RAP1GAP2: variants seen among roughly 807,000 people sequenced by gnomAD.
RAP1GAP2 encodes the protein RAP1 GTPase activating protein 2.
In RAP1GAP2, 27 loss-of-function variants were observed where a neutral mutation model predicts 95.0. The ratio of observed to expected loss-of-function variants is 0.28; its 90% CI spans 0.21 to 0.39. The LOEUF (loss-of-function observed/expected upper bound fraction) is 0.39, where lower values mean the gene tolerates loss of function less well. Among genes scored for constraint, RAP1GAP2 ranks in the 10% least tolerant of loss-of-function variants. RAP1GAP2 has a pLI of 1.00. For synonymous variants in RAP1GAP2, 373 were observed against 380.9 expected (o/e 0.98, Z 0.24); for missense variants, 771 against 970.0 (o/e 0.79, Z 2.72).
intron 22 of RAP1GAP2, among the ~76,000 whole-genome samples, chr17:3,028,862 G>A (rs939429279): frequency 2.6e-5 from 4 of 152,076 alleles, no homozygotes; most frequent in East Asian, 1.9e-4. Context: ...GTGCAATGGC[G>A]CAATCTCGGC....
chr17:2,877,670 G>C (rs2073145566), intron 2 of RAP1GAP2, among the ~76,000 whole-genome samples: 1 of 152,230 alleles, frequency 6.6e-6, no homozygotes, highest in Non-Finnish European at 1.5e-5. Context: ...AGGATTGCTT[G>C]AACCTGGGAG....
intron 2 of RAP1GAP2, among the ~76,000 whole-genome samples, chr17:2,836,583 G>GAT (rs2071140317): frequency 6.6e-6 from 1 of 152,124 alleles, no homozygotes; most frequent in South Asian, 2.1e-4. Flanking sequence ...AGTGAGCTGA[G>GAT]ATCACGTCAC....
intron 2 of RAP1GAP2, among the ~76,000 whole-genome samples, chr17:2,856,469 G>T (rs2072141958): frequency 6.6e-6 from 1 of 152,200 alleles, no homozygotes; most frequent in Admixed American, 6.5e-5. Flanking sequence ...AGGTAACGGG[G>T]GTTTGATCGG....
chr17:2,871,047 C>T lies in RAP1GAP2; in HGVS notation c.81-34237C>T, dbSNP rs1289833728. ...CTTGGCTTACTGCAACCTCCGCCTC[C>T]TGGGTTCAAGTGATTCTCCTGCCTC... is the stretch of plus-strand genomic sequence containing the variant. On this transcript the variant is annotated intron_variant, in intron 2 of 24. Coordinates refer to ENST00000254695, the MANE Select transcript of RAP1GAP2 (RefSeq NM_015085.5). This position sits in a 1 kb window ranked among gnomAD's most constrained non-coding sequence, Gnocchi z 5.0. Among the ~76,000 whole-genome samples the T allele has an allele frequency of 2.0e-5, 3 of 152,242 alleles. No homozygotes were observed. The highest frequency in any genetic ancestry group is 7.2e-5 in the African/African-American group (3 of 41,460).
chr17:2,820,903 T>TTTTTTTTGTTTTTG (rs1567678183), intron 2 of RAP1GAP2, among the ~76,000 whole-genome samples: 3 of 145,868 alleles, frequency 2.1e-5, no homozygotes, highest in African/African-American at 7.7e-5. Context: ...TTTTTTTTTT[T>TTTTTTTTGTTTTTG]TTTTTTGTAT....
chr17:2,849,998 G>GTTTTTTTTTTTTTTTTTTTTTTTTT (rs1363363543), intron 2 of RAP1GAP2, among the ~76,000 whole-genome samples: 1 of 136,130 alleles, frequency 7.3e-6, no homozygotes, highest in African/African-American at 2.7e-5. Flanking sequence ...AACACTGCCT[G>GTTTTTTTTTTTTTTTTTTTTTTTTT]CTTTTTTTTT....
intron 3 of RAP1GAP2, among the ~76,000 whole-genome samples, chr17:2,947,055 G>T (rs1455457942): frequency 1.3e-5 from 2 of 152,088 alleles, no homozygotes; most frequent in African/African-American, 4.8e-5. Context: ...GTGCCCGGCC[G>T]GAAACTGTGT....
chr17:3,008,800 C>T lies in RAP1GAP2; in HGVS notation c.1494+655C>T, dbSNP rs529962562. Among the ~76,000 whole-genome samples the T allele has an allele frequency of 2.8e-4, 43 of 152,264 alleles. No homozygotes were observed. The South Asian group carries it at 4.1e-3, about 15-fold the overall frequency. Reference sequence around the variant, plus strand: ...TTATGCTTGCTGAGTGCTTGTTGGTCCACGCAGCACGTAGACCCAGCATCT... The same window carrying T: ...TTATGCTTGCTGAGTGCTTGTTGGTTCACGCAGCACGTAGACCCAGCATCT... On this transcript the variant is annotated intron_variant, in intron 17 of 24. Coordinates refer to ENST00000254695, the MANE Select transcript of RAP1GAP2 (RefSeq NM_015085.5). This position sits in a 1 kb window ranked among gnomAD's most constrained non-coding sequence, Gnocchi z 4.2.
intron 2 of RAP1GAP2, among the ~76,000 whole-genome samples, chr17:2,812,716 G>T (rs764731053): frequency 6.6e-6 from 1 of 152,190 alleles, no homozygotes; most frequent in Non-Finnish European, 1.5e-5. Context: ...CCGGCTGGGC[G>T]CAGTGGCTCA....
chr17:2,815,813 G>C (rs1029402771), intron 2 of RAP1GAP2, among the ~76,000 whole-genome samples: 1 of 152,230 alleles, frequency 6.6e-6, no homozygotes, highest in African/African-American at 2.4e-5. Context: ...GTCCTGGGCT[G>C]TGCGGTCACA....
chr17:2,841,269 T>C (rs866247037), intron 2 of RAP1GAP2, among the ~76,000 whole-genome samples: 16 of 151,572 alleles, frequency 1.1e-4, no homozygotes, highest in Middle Eastern at 3.4e-3. Flanking sequence ...AGAAAAATAT[T>C]AAGTAGAGAG....
Position 2,797,895 on chromosome 17 carries a change from C to A in RAP1GAP2, c.44+1324C>A. On this transcript the variant is annotated intron_variant, in intron 1 of 24. Coordinates refer to ENST00000254695, the MANE Select transcript of RAP1GAP2 (RefSeq NM_015085.5). This position sits in a 1 kb window ranked among gnomAD's most constrained non-coding sequence, Gnocchi z 5.6. ...GGGCCCAGCAATTAGATTGTGCCCT[C>A]CAAGGCCCGCCTTTCTCTGGGAGGT... The A allele has an allele frequency of 3.4e-6, 2 of 593,064 alleles. No homozygotes were observed. The highest frequency in any genetic ancestry group is 4.2e-6 in the Non-Finnish European group (2 of 471,962). The allele number at this position is 593,064 out of a possible 1,614,324, so 36.7% of individuals were successfully genotyped here. A position where few individuals can be genotyped will look rare whatever the true frequency, so the allele number is the denominator to read the frequency against.
At chr17:2,883,591 T>C (rs1464025518) in intron 2 of RAP1GAP2, among the ~76,000 whole-genome samples, 1 of 152,228 alleles carries the variant, frequency 6.6e-6, no homozygotes, top group Non-Finnish European at 1.5e-5. Context: ...TTCTTTTTTT[T>C]TCCTCACCTG....
At position 2,933,000 on chromosome 17, in the gene RAP1GAP2, G is replaced by A. The variant is rs572896605; in HGVS notation, c.166-24759G>A. 8.7e-4 allele frequency among the ~76,000 whole-genome samples: 132 copies of A among 152,252 alleles called. 1 individual carries two copies. Among genetic ancestry groups the A allele is most frequent in the African/African-American group, 3.0e-3 (126 of 41,550 alleles). On this transcript the variant is annotated intron_variant, in intron 3 of 24. Coordinates refer to ENST00000254695, the MANE Select transcript of RAP1GAP2 (RefSeq NM_015085.5). ...GAGGGGAATGGCACTGGGATCTGGA[G>A]TGCCTGGTTCTCAACACTTGCTTGG...
chr17:2,866,541 A>G lies in RAP1GAP2; in HGVS notation c.81-38743A>G, dbSNP rs552758485. 5.7e-4 allele frequency among the ~76,000 whole-genome samples: 87 copies of G among 152,336 alleles called. No homozygotes were observed. Among genetic ancestry groups the G allele is most frequent in the African/African-American group, 1.9e-3 (80 of 41,584 alleles). On this transcript the variant is annotated intron_variant, in intron 2 of 24. Coordinates refer to ENST00000254695, the MANE Select transcript of RAP1GAP2 (RefSeq NM_015085.5). This position sits in a 1 kb window ranked among gnomAD's most constrained non-coding sequence, Gnocchi z 4.0. Reference sequence around the variant, plus strand: ...GGGCCCAAGGGCCTTTGTGTTGGTGAGGCAGTAGATAATACCCCCAAATGT... The same window carrying G: ...GGGCCCAAGGGCCTTTGTGTTGGTGGGGCAGTAGATAATACCCCCAAATGT...
chr17:3,017,706 C>T (rs1466546137), intron 17 of RAP1GAP2, among the ~76,000 whole-genome samples: 5 of 152,240 alleles, frequency 3.3e-5, no homozygotes, highest in East Asian at 1.9e-4. Context: ...AGGTCAGTGT[C>T]GCACAGGCTT....
intron 2 of RAP1GAP2, among the ~76,000 whole-genome samples, chr17:2,842,898 A>C (rs1324468888): frequency 1.3e-5 from 2 of 151,996 alleles, no homozygotes; most frequent in African/African-American, 4.8e-5. Flanking sequence ...AGAACATGGA[A>C]TCCTCCTTCT....
At chr17:2,985,144 C>A in intron 11 of RAP1GAP2, 78 bp downstream of exon 11, 1 of 1,595,070 alleles carries the variant, frequency 6.3e-7, no homozygotes, top group South Asian at 1.1e-5. Flanking sequence ...ACCCAGAACA[C>A]AGGAGTCCTG....
chr17:2,934,168 G>A (rs1189571846), intron 3 of RAP1GAP2, among the ~76,000 whole-genome samples: 1 of 152,074 alleles, frequency 6.6e-6, no homozygotes, highest in Non-Finnish European at 1.5e-5. Context: ...GTCTTGTTCC[G>A]TTGCCCAGGC....
Sources: allele counts gnomAD v4.1 joint callset (sites outside exome capture counted in the v4.1 genomes callset), GRCh38; gene constraint gnomAD v4.1.1; non-coding constraint Gnocchi (gnomAD v3.1); transcripts MANE v1.5; gene names NCBI Gene and HGNC (gene_info 2026-07-23, HGNC 2026-07-21).